Variants in SLC6A16 observed in about 807,000 individuals in gnomAD.
SLC6A16 encodes solute carrier family 6 member 16.
In SLC6A16, 54 loss-of-function variants were observed where a neutral mutation model predicts 65.4. The ratio of observed to expected loss-of-function variants is 0.83; its 90% confidence interval spans 0.66 to 1.04. SLC6A16 has a LOEUF of 1.04. SLC6A16 is among the 50% of genes least tolerant of loss of function. The probability of loss-of-function intolerance (pLI) is 0.00; values close to 1 mark genes in which losing one functional copy is unlikely to be tolerated. For synonymous variants in SLC6A16, 330 were observed against 346.5 expected (o/e 0.95, Z 0.53); for missense variants, 816 against 914.0 (o/e 0.89, Z 1.38).
the SLC6A16 span, chr19:49,339,960 G>GAGGGCGCAGAATTAGAGGAGGCCTCT: frequency 7.1e-7 from 1 of 1,409,156 alleles, no homozygotes. This position sits in a 1 kb window ranked among gnomAD's most constrained non-coding sequence, Gnocchi z 4.5. Flanking sequence ...CACAATTAGA[G>GAGGGCGCAGAATTAGAGGAGGCCTCT]GCTGAGGCAG....
chr19:49,297,886 T>C (rs547485812), intron 7 of SLC6A16, among the ~76,000 whole-genome samples: 1 of 152,026 alleles, frequency 6.6e-6, no homozygotes, highest in Non-Finnish European at 1.5e-5. Context: ...AAAAGACAAA[T>C]CTAATCTATG....
At chr19:49,331,535 A>G in the SLC6A16 span, 7 of 350,016 alleles carry the variant, frequency 2.0e-5, no homozygotes, top group African/African-American at 1.5e-4. Context: ...TTCTATTTGT[A>G]GTTGTTAGGA....
chr19:49,333,921 T>C, the SLC6A16 span, among the ~76,000 whole-genome samples: 1 of 152,114 alleles, frequency 6.6e-6, no homozygotes, highest in African/African-American at 2.4e-5. Context: ...ACTGTCAGGA[T>C]CCCAGGCTCA....
chr19:49,336,083 C>A, the SLC6A16 span: 1 of 470,448 alleles, frequency 2.1e-6, no homozygotes, highest in African/African-American at 1.9e-5. Flanking sequence ...AGGGGAAGCC[C>A]CTTGATGGAT....
intron 1 of SLC6A16, among the ~76,000 whole-genome samples, chr19:49,313,122 T>C (rs1418481070): frequency 6.7e-6 from 1 of 148,960 alleles, no homozygotes; most frequent in Non-Finnish European, 1.5e-5. Flanking sequence ...AATATGTTTA[T>C]ATCCTTATCC....
chr19:49,290,303 GTATGCA>G lies in SLC6A16; in HGVS notation c.2025_2030del (p.Ala676_Tyr677del). ...TCCTATGTATGCGGCAGTATACAAA[GTATGCA>G]GGGATGGGGAGGATGACAATGGCAA... On this transcript the variant is annotated inframe_deletion, in exon 12 of 12. Coordinates refer to ENST00000335875, the MANE Select transcript of SLC6A16 (RefSeq NM_014037.3). The G allele has an allele frequency of 6.2e-7, 1 of 1,614,142 alleles. No homozygotes were observed. The highest frequency in any genetic ancestry group is 8.5e-7 in the Non-Finnish European group (1 of 1,180,036).
upstream of SLC6A16, among the ~76,000 whole-genome samples, chr19:49,327,425 A>G (rs1970810753): frequency 6.6e-6 from 1 of 152,222 alleles, no homozygotes; most frequent in African/African-American, 2.4e-5. Context: ...CTCTAAGGAA[A>G]TAACACTGGA....
rs1318698231 is a variant in SLC6A16 at position 49,290,086 on chromosome 19, T to G, written c.*37A>C. 1 of 1,598,590 alleles carries G rather than the reference T, an allele frequency of 6.3e-7. No individual in the cohort carries two copies. The highest frequency in any genetic ancestry group is 8.5e-7 in the Non-Finnish European group (1 of 1,171,110). ...ATTAAGAGTTGTCTATTGGATCTGT[T>G]CTAAGGGATATGTTATGTGAAGCCA... On this transcript the variant is annotated 3_prime_UTR_variant, in exon 12 of 12. Coordinates refer to ENST00000335875, the MANE Select transcript of SLC6A16 (RefSeq NM_014037.3).
chr19:49,331,699 A>G, the SLC6A16 span: 2 of 455,616 alleles, frequency 4.4e-6, no homozygotes, highest in South Asian at 3.1e-5. Context: ...AAGAGTAAGG[A>G]TTATGGAGGA....
At chr19:49,306,295 C>T (rs1360432157) in intron 7 of SLC6A16, among the ~76,000 whole-genome samples, 3 of 147,846 alleles carry the variant, frequency 2.0e-5, no homozygotes, top group Non-Finnish European at 4.5e-5. Context: ...GAGAGTCTGT[C>T]TCAAAAAAAA....
At chr19:49,313,913 G>A (rs189782271) in intron 1 of SLC6A16, among the ~76,000 whole-genome samples, 54 of 152,052 alleles carry the variant, frequency 3.6e-4, no homozygotes, top group Non-Finnish European at 6.2e-4. Flanking sequence ...TGGCTAACAC[G>A]GTGAAACCCC....
intron 1 of SLC6A16, among the ~76,000 whole-genome samples, chr19:49,313,111 A>G (rs1156630125): frequency 6.6e-6 from 1 of 151,106 alleles, no homozygotes; most frequent in Non-Finnish European, 1.5e-5. Flanking sequence ...TGATGGCTAC[A>G]AATATGTTTA....
At chr19:49,291,385 C>T (rs143692742) in intron 10 of SLC6A16, among the ~76,000 whole-genome samples, 5 of 151,988 alleles carry the variant, frequency 3.3e-5, no homozygotes, top group East Asian at 2.0e-4. Flanking sequence ...GACTTACCAC[C>T]GGGTACTGGG....
intron 7 of SLC6A16, among the ~76,000 whole-genome samples, chr19:49,308,630 G>A (rs1040123311): frequency 1.3e-5 from 2 of 152,048 alleles, no homozygotes; most frequent in African/African-American, 4.8e-5. Flanking sequence ...TCCACTCTGA[G>A]GTGGATAGCT....
chr19:49,289,768 G>A lies in SLC6A16; in HGVS notation c.*355C>T. 4.0e-6 allele frequency: 1 copy of A among 247,522 alleles called. No individual in the cohort carries two copies. Among genetic ancestry groups the A allele is most frequent in the East Asian group, 9.9e-5 (1 of 10,116 alleles). 15.3% of individuals were successfully genotyped at this position (247,522 alleles called of 1,614,324 possible). A position where few individuals can be genotyped will look rare whatever the true frequency, so the allele number is the denominator to read the frequency against. ...AAGATCTGCTTACATCCAGTCCTTG[G>A]AGTTCCAGTAGACTGATTTATTCAC... On this transcript the variant is annotated 3_prime_UTR_variant, in exon 12 of 12. Coordinates refer to ENST00000335875, the MANE Select transcript of SLC6A16 (RefSeq NM_014037.3).
intron 1 of SLC6A16, among the ~76,000 whole-genome samples, chr19:49,321,002 T>C (rs1057142399): frequency 1.3e-5 from 2 of 152,164 alleles, no homozygotes; most frequent in African/African-American, 4.8e-5. Flanking sequence ...CACTTCCTCA[T>C]TCATCCTATA....
chr19:49,329,963 T>G (rs575530486), upstream of SLC6A16, among the ~76,000 whole-genome samples: 2 of 151,972 alleles, frequency 1.3e-5, no homozygotes, highest in South Asian at 4.2e-4. Flanking sequence ...AAGAAAAGTG[T>G]TTTTTAATAG....
chr19:49,331,641 A>C, the SLC6A16 span: 12 of 401,262 alleles, frequency 3.0e-5, no homozygotes, highest in Non-Finnish European at 5.1e-5. Context: ...GCTTTATGTA[A>C]GTCCAAGGAT....
Position 49,309,365 on chromosome 19 carries a change from A to C in SLC6A16, c.923T>G (p.Phe308Cys). ...TTCCAGGAGTAGAGTCCGGATGAAG[A>C]AACCGACAATGATGAAACAGGGGAG... Reference protein sequence around the residue: ...VLLPCFIIVGFFIRTLLLEGA... With the variant: ...VLLPCFIIVGCFIRTLLLEGA... Residue 308 changes from phenylalanine (F) to cysteine (C), a missense_variant, in exon 6 of 12, where the codon TTC becomes TGC. Transcript: ENST00000335875. The C allele has an allele frequency of 6.2e-7, 1 of 1,614,178 alleles. No individual in the cohort carries two copies. The highest frequency in any genetic ancestry group is 8.5e-7 in the Non-Finnish European group (1 of 1,180,024).
Sources: allele counts gnomAD v4.1 joint callset (sites outside exome capture counted in the v4.1 genomes callset), GRCh38; gene constraint gnomAD v4.1.1; non-coding constraint Gnocchi (gnomAD v3.1); transcripts MANE v1.5; gene names NCBI Gene and HGNC (gene_info 2026-07-23, HGNC 2026-07-21).